Variants in PRKG1 observed in about 807,000 individuals in gnomAD.
PRKG1 encodes protein kinase cGMP-dependent 1, also known as cGMP-dependent protein kinase 1.
PRKG1 carries 35 observed loss-of-function variants against 88.1 expected under a neutral mutation model. The ratio of observed to expected loss-of-function variants is 0.40; its 90% CI spans 0.30 to 0.53. The LOEUF (loss-of-function observed/expected upper bound fraction) is 0.53, where lower values mean the gene tolerates loss of function less well. PRKG1 is among the 20% of genes least tolerant of loss of function. The pLI, the probability that PRKG1 is intolerant of heterozygous loss-of-function variation, is 0.59. For missense variants in PRKG1, 540 were observed against 839.8 expected, an observed-to-expected ratio of 0.64 and a Z score of 4.41; for synonymous variants, 303 against 292.5, an observed-to-expected ratio of 1.04 and a Z score of -0.37.
chr10:51,935,794 A>C (rs1589435298), intron 5 of PRKG1, among the ~76,000 whole-genome samples: 1 of 152,118 alleles, frequency 6.6e-6, no homozygotes, highest in East Asian at 1.9e-4. Flanking sequence ...ACAAGCTATG[A>C]GTCTTCCAGT....
intron 5 of PRKG1, among the ~76,000 whole-genome samples, chr10:52,017,484 G>A (rs1028940400): frequency 6.6e-6 from 1 of 152,142 alleles, no homozygotes; most frequent in African/African-American, 2.4e-5. Context: ...AAGGTTTTGG[G>A]TAGATAGTAG....
chr10:51,794,656 A>G (rs1012613772), intron 3 of PRKG1, among the ~76,000 whole-genome samples: 8 of 152,252 alleles, frequency 5.3e-5, no homozygotes, highest in African/African-American at 1.7e-4. Context: ...TGATGACTAT[A>G]TGAGGTATTG....
At chr10:52,063,194 C>T (rs937511616) in intron 7 of PRKG1, among the ~76,000 whole-genome samples, 3 of 152,316 alleles carry the variant, frequency 2.0e-5, no homozygotes, top group East Asian at 1.9e-4. Context: ...GCAAGTCAGG[C>T]GTGAAGTGGC....
At chr10:51,525,992 G>GT (rs1190574429) in intron 3 of PRKG1, among the ~76,000 whole-genome samples, 1 of 152,002 alleles carries the variant, frequency 6.6e-6, no homozygotes, top group Non-Finnish European at 1.5e-5. Context: ...GCTAATTTTT[G>GT]TATTTTTAGT....
At chr10:51,754,854 AT>A (rs1417510844) in intron 3 of PRKG1, among the ~76,000 whole-genome samples, 1 of 152,100 alleles carries the variant, frequency 6.6e-6, no homozygotes, top group Non-Finnish European at 1.5e-5. Context: ...CTACCCAGAA[AT>A]TTTATTTCTT....
At chr10:51,974,772 T>C (rs910807731) in intron 5 of PRKG1, among the ~76,000 whole-genome samples, 2 of 152,154 alleles carry the variant, frequency 1.3e-5, no homozygotes, top group African/African-American at 4.8e-5. Context: ...GGCTTGTATC[T>C]CTTATGACAC....
intron 4 of PRKG1, among the ~76,000 whole-genome samples, chr10:51,900,431 C>A (rs561577786): frequency 1.3e-5 from 2 of 152,032 alleles, no homozygotes; most frequent in South Asian, 4.1e-4. Context: ...ATTGATCCAC[C>A]TTATAATTTG....
chr10:51,290,700 A>G lies in PRKG1; in HGVS notation c.478+137370A>G, dbSNP rs890078033. Among the ~76,000 whole-genome samples, 67 of 152,098 alleles carry G rather than the reference A, an allele frequency of 4.4e-4. 4 individuals carry two copies. The highest frequency in any genetic ancestry group is 4.4e-5 in the Non-Finnish European group (3 of 68,012). The stretch of plus-strand genomic sequence containing the variant: ...TCCTTAGGCCACCCCACCCCGGTAA[A>G]TGTGGGATTATGTGGGCAGTCTACC... On this transcript the variant is annotated intron_variant, in intron 2 of 17. Transcript: ENST00000373980.
chr10:51,430,019 C>T (rs78321473), intron 2 of PRKG1, among the ~76,000 whole-genome samples: 2,288 of 151,818 alleles, frequency 0.015, 14 homozygotes, highest in Non-Finnish European at 0.018. Flanking sequence ...ATTCAAGTAT[C>T]TTAACAAACT....
rs139563871 is a variant in PRKG1 at position 51,820,796 on chromosome 10, T to C, written c.698+16106T>C. Among the ~76,000 whole-genome samples the C allele has an allele frequency of 1.6e-3, 246 of 152,314 alleles. 1 individual carries two copies. Among genetic ancestry groups the C allele is most frequent in the African/African-American group, 5.6e-3 (232 of 41,562 alleles). On this transcript the variant is annotated intron_variant, in intron 4 of 17. Transcript: ENST00000373980. ...AGATTCTCATAGATCTTTTCTAGTTTTGATGGGGAGAAAATTAAGTTGGGT... is the reference window on the plus strand; with the variant it reads ...AGATTCTCATAGATCTTTTCTAGTTCTGATGGGGAGAAAATTAAGTTGGGT...
chr10:51,202,309 T>C (rs1837932333), intron 2 of PRKG1, among the ~76,000 whole-genome samples: 1 of 152,212 alleles, frequency 6.6e-6, no homozygotes, highest in African/African-American at 2.4e-5. Flanking sequence ...AATGTCTAGG[T>C]GCAGTCTATG....
chr10:51,499,604 T>A (rs1840963774), intron 3 of PRKG1, among the ~76,000 whole-genome samples: 1 of 152,088 alleles, frequency 6.6e-6, no homozygotes, highest in Non-Finnish European at 1.5e-5. Context: ...AGTAAGCATA[T>A]GAGTACAAAC....
intron 3 of PRKG1, among the ~76,000 whole-genome samples, chr10:51,725,227 G>C (rs540764474): frequency 2.6e-5 from 4 of 152,160 alleles, no homozygotes; most frequent in Non-Finnish European, 5.9e-5. Flanking sequence ...AAAAAATTCA[G>C]ATGTGTGGAT....
intron 3 of PRKG1, among the ~76,000 whole-genome samples, chr10:51,635,314 T>C (rs1839629724): frequency 6.7e-6 from 1 of 149,752 alleles, no homozygotes; most frequent in Non-Finnish European, 1.5e-5. Context: ...AGGTTAGATA[T>C]ATGAAGTTGC....
intron 1 of PRKG1, among the ~76,000 whole-genome samples, chr10:51,139,574 C>A (rs1845774649): frequency 6.6e-6 from 1 of 152,156 alleles, no homozygotes; most frequent in African/African-American, 2.4e-5. Flanking sequence ...TCTAAACAAC[C>A]AATGTCTATT....
intron 3 of PRKG1, among the ~76,000 whole-genome samples, chr10:51,801,198 A>G (rs1400919899): frequency 6.6e-6 from 1 of 152,126 alleles, no homozygotes; most frequent in Non-Finnish European, 1.5e-5. Context: ...GCTTTGCAGT[A>G]CATATGGTCT....
At chr10:51,700,215 C>T (rs1396662097) in intron 3 of PRKG1, among the ~76,000 whole-genome samples, 1 of 152,196 alleles carries the variant, frequency 6.6e-6, no homozygotes, top group East Asian at 1.9e-4. Context: ...GGGCCCTGCC[C>T]CCATTCTGTT....
intron 3 of PRKG1, among the ~76,000 whole-genome samples, chr10:51,487,661 AATT>A (rs3062375): frequency 0.88 from 133,222 of 151,814 alleles, 58,563 homozygotes; most frequent in East Asian, 0.99. Flanking sequence ...TGGGCCAAAC[AATT>A]ATTAAGAATA....
At chr10:51,927,481 G>A (rs1353684944) in intron 5 of PRKG1, among the ~76,000 whole-genome samples, 6 of 152,056 alleles carry the variant, frequency 3.9e-5, no homozygotes, top group African/African-American at 4.8e-5. Context: ...AATACAATAG[G>A]GAAGGAGTCT....
Sources: gnomAD v4.1 joint callset for allele counts (sites outside exome capture counted in the v4.1 genomes callset) on GRCh38, gnomAD v4.1.1 for gene constraint, MANE v1.5 for transcripts, NCBI Gene and HGNC (gene_info 2026-07-23, HGNC 2026-07-21) for gene names.